SCAPER: variants seen among roughly 807,000 people sequenced by gnomAD.
SCAPER encodes S-phase cyclin A associated protein in the ER.
A neutral mutation model predicts 182.2 loss-of-function variants in SCAPER; 98 were observed. The ratio of observed to expected loss-of-function variants is 0.54; its 90% confidence interval spans 0.46 to 0.64. SCAPER has a LOEUF of 0.64. Ranked by LOEUF, SCAPER falls within the 30% of genes least tolerant of loss-of-function variation. The pLI is 0.00. For synonymous variants in SCAPER, 605 were observed against 564.6 expected (o/e 1.07, Z -1.01); for missense variants, 1,432 against 1,690.0 (o/e 0.85, Z 2.68).
chr15:76,688,633 T>C (rs566496683), intron 20 of SCAPER, among the ~76,000 whole-genome samples: 46 of 152,224 alleles, frequency 3.0e-4, no homozygotes, highest in Middle Eastern at 3.4e-3. Context: ...AGGGTGCACT[T>C]TCAATTTTCT....
chr15:76,474,051 T>C (rs773498716), intron 24 of SCAPER, among the ~76,000 whole-genome samples: 23 of 152,224 alleles, frequency 1.5e-4, no homozygotes, highest in Non-Finnish European at 3.1e-4. Context: ...CCTCATGTGA[T>C]CCACCCACCT....
At chr15:76,521,289 T>C (rs974531055) in intron 23 of SCAPER, among the ~76,000 whole-genome samples, 1 of 152,146 alleles carries the variant, frequency 6.6e-6, no homozygotes. Flanking sequence ...TGGATTCATA[T>C]ATAAACAGGC....
intron 25 of SCAPER, among the ~76,000 whole-genome samples, chr15:76,440,678 C>A (rs2142659771): frequency 6.6e-6 from 1 of 152,174 alleles, no homozygotes; most frequent in Middle Eastern, 3.4e-3. Flanking sequence ...GACACAAGTT[C>A]TTATATTGTT....
intron 10 of SCAPER, among the ~76,000 whole-genome samples, chr15:76,769,469 T>C (rs892570901): frequency 3.4e-5 from 4 of 119,284 alleles, no homozygotes; most frequent in Non-Finnish European, 5.3e-5. Flanking sequence ...AAAAAGAGAG[T>C]GAAAGAAAAA....
intron 21 of SCAPER, among the ~76,000 whole-genome samples, chr15:76,641,045 T>C (rs1381556433): frequency 6.6e-6 from 1 of 152,164 alleles, no homozygotes; most frequent in Non-Finnish European, 1.5e-5. Flanking sequence ...AACACCCTCA[T>C]CTTGCCATGG....
intron 23 of SCAPER, among the ~76,000 whole-genome samples, chr15:76,511,867 GTGTGTATA>G (rs1158116607): frequency 1.4e-4 from 14 of 98,190 alleles, no homozygotes; most frequent in Non-Finnish European, 2.1e-4. Context: ...GTGTGTGTGT[GTGTGTATA>G]TATATATATA....
At chr15:76,375,507 T>C (rs1204622089) in intron 29 of SCAPER, among the ~76,000 whole-genome samples, 3 of 152,040 alleles carry the variant, frequency 2.0e-5, no homozygotes, top group Admixed American at 2.0e-4. Context: ...TAAACTACCT[T>C]ATCAAAACAA....
In SCAPER at chr15:76,883,857, A is replaced by T. The variant is rs781070774; in HGVS notation, c.-40T>A. Reference sequence around the variant, plus strand: ...TCTATGCCAAGATCATTTATCACATAAACCCATGGAGTATGACTCCTACAA... The same window carrying T: ...TCTATGCCAAGATCATTTATCACATTAACCCATGGAGTATGACTCCTACAA... On this transcript the variant is annotated 5_prime_UTR_variant, in exon 2 of 32. It introduces an in-frame stop codon into an upstream open reading frame of the 5' UTR. Coordinates refer to ENST00000563290, the MANE Select transcript of SCAPER (RefSeq NM_020843.4). 4 of 1,484,146 alleles carry T rather than the reference A, an allele frequency of 2.7e-6. No individual in the cohort carries two copies. The East Asian group carries it at 7.4e-5, about 27-fold the overall frequency. The allele number at this position is 1,484,146 out of a possible 1,614,324, so 91.9% of individuals were successfully genotyped here.
chr15:76,670,814 C>T (rs912621858), intron 20 of SCAPER, among the ~76,000 whole-genome samples: 3 of 152,086 alleles, frequency 2.0e-5, no homozygotes, highest in African/African-American at 7.2e-5. Context: ...TACATATTAC[C>T]TTTTAATGGT....
intron 2 of SCAPER, among the ~76,000 whole-genome samples, chr15:76,873,658 A>G (rs1218703943): frequency 3.3e-5 from 5 of 152,208 alleles, no homozygotes; most frequent in Non-Finnish European, 7.3e-5. Context: ...AAAAAAATTA[A>G]GTAACAATAT....
intron 22 of SCAPER, among the ~76,000 whole-genome samples, chr15:76,588,521 C>T (rs540711017): frequency 5.3e-5 from 8 of 152,212 alleles, no homozygotes; most frequent in African/African-American, 1.2e-4. Context: ...AGTCAGCAGA[C>T]GCTTGGTTAG....
chr15:76,647,229 A>G (rs2054621618), intron 21 of SCAPER, among the ~76,000 whole-genome samples: 2 of 152,228 alleles, frequency 1.3e-5, no homozygotes, highest in South Asian at 4.1e-4. Context: ...GGTTAAGTGC[A>G]TTGGTAAAAA....
intron 26 of SCAPER, among the ~76,000 whole-genome samples, chr15:76,417,707 T>C (rs1041227855): frequency 2.6e-5 from 4 of 152,124 alleles, no homozygotes; most frequent in Non-Finnish European, 2.9e-5. Context: ...ACATGTCTTA[T>C]GTTTGATAAC....
At chr15:76,631,966 G>A (rs1339021869) in intron 21 of SCAPER, among the ~76,000 whole-genome samples, 2 of 152,132 alleles carry the variant, frequency 1.3e-5, no homozygotes, top group Non-Finnish European at 2.9e-5. Context: ...ATAGTTCTCA[G>A]AGGTTTTGTT....
chr15:76,553,281 T>C (rs2045928689), intron 23 of SCAPER, among the ~76,000 whole-genome samples: 1 of 152,188 alleles, frequency 6.6e-6, no homozygotes, highest in Non-Finnish European at 1.5e-5. Flanking sequence ...CTGCTGGCAC[T>C]CTACCTGTGC....
chr15:76,548,170 C>CA (rs2045455753), intron 23 of SCAPER, among the ~76,000 whole-genome samples: 1 of 151,308 alleles, frequency 6.6e-6, no homozygotes, highest in Admixed American at 6.6e-5. Flanking sequence ...TTTACATAAA[C>CA]ACGCTCTTTG....
chr15:76,535,957 C>T (rs1272531523), intron 23 of SCAPER, among the ~76,000 whole-genome samples: 2 of 152,146 alleles, frequency 1.3e-5, no homozygotes, highest in African/African-American at 4.8e-5. Context: ...AATAACTGTT[C>T]ATGTTACTTA....
chr15:76,873,433 C>T lies in SCAPER; in HGVS notation c.6+10379G>A, dbSNP rs1486288991. On this transcript the variant is annotated intron_variant, in intron 2 of 31. Transcript: ENST00000563290. ...AAAATAATAATACATAAATAATGGG[C>T]TTATAGGAAGAAATGGAAAGATATA... is the stretch of plus-strand genomic sequence containing the variant. Among the ~76,000 whole-genome samples the T allele has an allele frequency of 2.0e-5, 3 of 151,132 alleles. No individual in the cohort carries two copies. The East Asian group carries it at 5.8e-4, about 29-fold the overall frequency.
intron 31 of SCAPER, chr15:76,350,238 T>C (rs2040443589): frequency 6.6e-6 from 1 of 152,164 alleles, no homozygotes; most frequent in Non-Finnish European, 1.5e-5. Context: ...GTTGCATAGC[T>C]TTCTGTTTAA....
Sources: allele counts gnomAD v4.1 joint callset (sites outside exome capture counted in the v4.1 genomes callset), GRCh38; gene constraint gnomAD v4.1.1; transcripts MANE v1.5; gene names NCBI Gene and HGNC (gene_info 2026-07-23, HGNC 2026-07-21).